Variants in PCCB observed in about 807,000 individuals in gnomAD.
PCCB encodes the protein propionyl-CoA carboxylase beta chain, mitochondrial.
PCCB carries 43 observed loss-of-function variants against 60.7 expected under a neutral mutation model. That is an observed-to-expected ratio of 0.71 (90% CI 0.55 to 0.91). The LOEUF (loss-of-function observed/expected upper bound fraction) is 0.91. PCCB is among the 40% of genes least tolerant of loss of function. The probability of loss-of-function intolerance (pLI) is 0.00; values close to 1 mark genes in which losing one functional copy is unlikely to be tolerated. For missense variants in PCCB, 766 were observed against 702.8 expected (o/e 1.09, Z -1.02); for synonymous variants, 276 against 255.9 (o/e 1.08, Z -0.75).
chr3:136,326,771 A>G (rs1268863581), intron 10 of PCCB, 32 bp from the exon 11 acceptor site: 2 of 1,391,500 alleles, frequency 1.4e-6, no homozygotes, highest in South Asian at 1.2e-5. Flanking sequence ...AATTGCCTGG[A>G]TACTCAGTAT....
chr3:136,282,790 A>G (rs892087904), intron 5 of PCCB, among the ~76,000 whole-genome samples: 1 of 152,224 alleles, frequency 6.6e-6, no homozygotes, highest in African/African-American at 2.4e-5. Context: ...TCTTTCATCC[A>G]GTAGGACATT....
chr3:136,325,824 G>C (rs1323606203), intron 10 of PCCB, among the ~76,000 whole-genome samples: 3 of 151,868 alleles, frequency 2.0e-5, no homozygotes, highest in Admixed American at 6.6e-5. Context: ...ATGTATTACT[G>C]TTTTTTTGAG....
chr3:136,297,814 C>T, intron 7 of PCCB, 138 bp from the exon 8 acceptor site: 1 of 888,552 alleles, frequency 1.1e-6, no homozygotes, highest in Non-Finnish European at 1.9e-6. Context: ...ATTACATCCT[C>T]AGTGGAGGGT....
At position 136,327,190 on chromosome 3, in the gene PCCB, G is replaced by A. The variant is rs1576360539; in HGVS notation, c.1234G>A (p.Gly412Ser). The A allele has an allele frequency of 6.2e-7, 1 of 1,614,134 alleles. No homozygotes were observed. The change falls in exon 12 of 15, where the codon GGT becomes AGT. Residue 412 changes from glycine to serine, a missense_variant. By Grantham distance (56) the Gly-to-Ser change is moderately conservative. Coordinates refer to ENST00000251654, the MANE Select transcript of PCCB (RefSeq NM_000532.5). ...AQEYGGIIRH[G>S]AKLLYAFAEA... The stretch of plus-strand genomic sequence containing the variant: ...GGAATACGGGGGCATCATCCGGCAT[G>A]GTGCCAAGCTTCTCTACGCATTTGC...
At chr3:136,259,099 A>C in intron 3 of PCCB, 2 of 1,368,828 alleles carry the variant, frequency 1.5e-6, no homozygotes, top group East Asian at 2.8e-5. Context: ...TTTACATCTG[A>C]ACATAATGAA....
At chr3:136,299,328 T>A (rs1934089831) in intron 8 of PCCB, among the ~76,000 whole-genome samples, 1 of 151,968 alleles carries the variant, frequency 6.6e-6, no homozygotes, top group African/African-American at 2.4e-5. Flanking sequence ...GTATACATAT[T>A]TGTGCATACA....
chr3:136,262,182 G>A lies in PCCB; in HGVS notation c.543+117G>A. On this transcript the variant is annotated intron_variant, in intron 5 of 14. Coordinates refer to ENST00000251654, the MANE Select transcript of PCCB (RefSeq NM_000532.5). The stretch of plus-strand genomic sequence containing the variant: ...TTCTCTGCCGCATTGTGTCTGTTCT[G>A]TGGGTCCTTTCTGTGTCACTGGGGG... 6 of 734,376 alleles carry A rather than the reference G, an allele frequency of 8.2e-6. No individual in the cohort carries two copies. The South Asian group carries it at 8.9e-5, about 11-fold the overall frequency. 45.5% of individuals were successfully genotyped at this position (734,376 alleles called of 1,614,324 possible).
chr3:136,296,961 G>GGA (rs1933968116), intron 7 of PCCB, among the ~76,000 whole-genome samples: 1 of 152,212 alleles, frequency 6.6e-6, no homozygotes, highest in Non-Finnish European at 1.5e-5. Context: ...TTCTAGTAGA[G>GGA]GAGATAGACA....
intron 14 of PCCB, among the ~76,000 whole-genome samples, chr3:136,329,162 C>T (rs948728350): frequency 6.6e-6 from 1 of 152,216 alleles, no homozygotes. Context: ...CCGTTTCCCC[C>T]ACTGCTTATG....
chr3:136,257,464 A>G (rs374661436), intron 3 of PCCB, among the ~76,000 whole-genome samples: 5 of 152,334 alleles, frequency 3.3e-5, no homozygotes, highest in Middle Eastern at 3.4e-3. Context: ...TTATAGAACT[A>G]TAAGATAATA....
At chr3:136,289,549 A>G (rs1355579037) in intron 6 of PCCB, among the ~76,000 whole-genome samples, 1 of 152,064 alleles carries the variant, frequency 6.6e-6, no homozygotes, top group Non-Finnish European at 1.5e-5. Flanking sequence ...TTTTGTAGAC[A>G]TCCCTTATAG....
chr3:136,253,082 GTTTTTTTT>G (rs59099393), intron 1 of PCCB, among the ~76,000 whole-genome samples: 2 of 71,488 alleles, frequency 2.8e-5, no homozygotes, highest in East Asian at 5.2e-4. Context: ...AGCAATGGAG[GTTTTTTTT>G]TTTTTTTTTT....
rs747519423 is a variant in PCCB at position 136,289,362 on chromosome 3, AT to A, written c.655-4392del. Among the ~76,000 whole-genome samples the A allele has an allele frequency of 7.9e-5, 12 of 152,296 alleles. No homozygotes were observed. In the East Asian group the frequency reaches 2.1e-3, roughly 27 times the overall value. ...GAAGGACTGTTTGTCTCCTTGGAGAATTGACCCCTTTATCATTATGCAGAAT... is the reference window on the plus strand; with the variant it reads ...GAAGGACTGTTTGTCTCCTTGGAGAATGACCCCTTTATCATTATGCAGAAT... On this transcript the variant is annotated intron_variant, in intron 6 of 14. Coordinates refer to ENST00000251654, the MANE Select transcript of PCCB (RefSeq NM_000532.5).
intron 14 of PCCB, 145 bp from the exon 15 acceptor site, chr3:136,329,760 A>T: frequency 1.2e-6 from 1 of 840,184 alleles, no homozygotes; most frequent in Non-Finnish European, 2.0e-6. Context: ...ACAAGGGGGA[A>T]TTCACAGGGC....
chr3:136,299,167 C>T (rs1022545142), intron 8 of PCCB, among the ~76,000 whole-genome samples: 1 of 151,972 alleles, frequency 6.6e-6, no homozygotes, highest in African/African-American at 2.4e-5. Context: ...TATACCTCTT[C>T]TGCATATGAT....
Position 136,293,726 on chromosome 3 carries a change from G to A in PCCB, c.655-30G>A, listed in dbSNP as rs766526843. 29 of 1,391,508 alleles carry A rather than the reference G, an allele frequency of 2.1e-5. 2 individuals carry two copies. In the South Asian group the frequency reaches 3.1e-4, roughly 15 times the overall value. 86.2% of individuals were successfully genotyped at this position (1,391,508 alleles called of 1,614,324 possible). Reference sequence around the variant, plus strand: ...CTGTGACCAGCTCTGGTGCTCTGAGGTTGACTGTTCTGGAAATCTTTTATT... The same window carrying A: ...CTGTGACCAGCTCTGGTGCTCTGAGATTGACTGTTCTGGAAATCTTTTATT... On this transcript the variant is annotated intron_variant, in intron 6 of 14. Transcript: ENST00000251654.
chr3:136,307,667 A>G (rs1304619377), intron 9 of PCCB, among the ~76,000 whole-genome samples: 1 of 152,144 alleles, frequency 6.6e-6, no homozygotes, highest in Non-Finnish European at 1.5e-5. Context: ...TATAGAATAC[A>G]TAGTAATTAT....
At chr3:136,287,576 G>A (rs1389056953) in intron 6 of PCCB, among the ~76,000 whole-genome samples, 2 of 152,030 alleles carry the variant, frequency 1.3e-5, no homozygotes, top group African/African-American at 4.8e-5. Context: ...GGGACTACAG[G>A]CGTGTGCCAC....
chr3:136,267,493 C>CT (rs1025897102), intron 5 of PCCB, among the ~76,000 whole-genome samples: 23 of 151,198 alleles, frequency 1.5e-4, no homozygotes, highest in Non-Finnish European at 2.8e-4. Flanking sequence ...CCTGTGGTGG[C>CT]TTTTTTTTTG....
Sources: gnomAD v4.1 joint callset for allele counts (sites outside exome capture counted in the v4.1 genomes callset) on GRCh38, gnomAD v4.1.1 for gene constraint, MANE v1.5 for transcripts, NCBI Gene and HGNC (gene_info 2026-07-23, HGNC 2026-07-21) for gene names.